Variants in WBP1L observed in about 807,000 individuals in gnomAD.
WBP1L encodes the protein WW domain binding protein 1 like, also known as WW domain binding protein 1-like.
In WBP1L, 17 loss-of-function variants were observed where a neutral mutation model predicts 33.7. The observed-to-expected ratio is 0.50, with a 90% CI of 0.34 to 0.76. WBP1L has a LOEUF of 0.76. Among genes scored for constraint, WBP1L ranks in the 30% least tolerant of loss-of-function variants. The pLI is 0.01. For missense variants in WBP1L, 389 were observed against 469.4 expected, an observed-to-expected ratio of 0.83 and a Z score of 1.58; for synonymous variants, 173 against 190.8, an observed-to-expected ratio of 0.91 and a Z score of 0.77.
rs1843908677 is a variant in WBP1L at position 102,814,889 on chromosome 10, T to G, written c.*1558T>G. The G allele has an allele frequency of 6.6e-6, 1 of 152,460 alleles. No homozygotes were observed. The highest frequency in any genetic ancestry group is 6.6e-5 in the Admixed American group (1 of 15,262). The allele number at this position is 152,460 out of a possible 1,614,324, so 9.4% of individuals were successfully genotyped here. ...GAAAGAAAGAAACAAACAAAATATATATATATATGTCCAAAAACAGACAAA... is the reference window on the plus strand; with the variant it reads ...GAAAGAAAGAAACAAACAAAATATAGATATATATGTCCAAAAACAGACAAA... On this transcript the variant is annotated 3_prime_UTR_variant, in exon 4 of 4. Coordinates refer to ENST00000448841, the MANE Select transcript of WBP1L (RefSeq NM_001083913.2).
intron 1 of WBP1L, among the ~76,000 whole-genome samples, chr10:102,756,278 C>T (rs938594091): frequency 1.3e-5 from 2 of 151,598 alleles, no homozygotes; most frequent in Non-Finnish European, 2.9e-5. Context: ...GGCATGGTGG[C>T]GCATGGCTGT....
At chr10:102,802,924 A>G (rs1279222262) in intron 2 of WBP1L, among the ~76,000 whole-genome samples, 1 of 152,256 alleles carries the variant, frequency 6.6e-6, no homozygotes, top group Non-Finnish European at 1.5e-5. Flanking sequence ...CTTACCATAC[A>G]TCAGGCATAG....
At chr10:102,809,829 G>A (rs552666416) in intron 2 of WBP1L, 64 bp from the exon 3 acceptor site, 11 of 1,535,864 alleles carry the variant, frequency 7.2e-6, no homozygotes, top group South Asian at 5.0e-5. Flanking sequence ...TCCCTGTTCC[G>A]CAAGCTGCCC....
intron 1 of WBP1L, among the ~76,000 whole-genome samples, chr10:102,747,955 A>G (rs1332173806): frequency 6.6e-6 from 1 of 152,114 alleles, no homozygotes; most frequent in Non-Finnish European, 1.5e-5. Flanking sequence ...TTCCTTTGCC[A>G]GGCTTAAAAC....
At chr10:102,810,320 T>G (rs1009880633) in intron 3 of WBP1L, among the ~76,000 whole-genome samples, 1 of 152,138 alleles carries the variant, frequency 6.6e-6, no homozygotes, top group African/African-American at 2.4e-5. Context: ...CTCTGCTTCT[T>G]TAGCACCTGC....
At position 102,806,117 on chromosome 10, in the gene WBP1L, G is replaced by T. The variant is rs1054874460; in HGVS notation, c.194-3776G>T. ...AGTTGCAGCTGCTGAGGAGGCTGAG[G>T]CACAAGAATCACGTGAGCCTGGGAG... On this transcript the variant is annotated intron_variant, in intron 2 of 3. Coordinates refer to ENST00000448841, the MANE Select transcript of WBP1L (RefSeq NM_001083913.2). Among the ~76,000 whole-genome samples the T allele has an allele frequency of 3.3e-5, 5 of 151,938 alleles. No individual in the cohort carries two copies. The East Asian group carries it at 7.7e-4, about 24-fold the overall frequency.
chr10:102,768,890 G>C (rs1383025186), intron 1 of WBP1L, among the ~76,000 whole-genome samples: 1 of 149,686 alleles, frequency 6.7e-6, no homozygotes, highest in African/African-American at 2.5e-5. Flanking sequence ...GGGTTTCACC[G>C]TGTTAGCCAG....
At chr10:102,792,266 C>T (rs372792325) in intron 1 of WBP1L, among the ~76,000 whole-genome samples, 28 of 152,358 alleles carry the variant, frequency 1.8e-4, no homozygotes, top group Middle Eastern at 3.4e-3. Context: ...GCCACTACCA[C>T]GGTCATTCCC....
At chr10:102,759,874 G>C (rs2863718) in intron 1 of WBP1L, among the ~76,000 whole-genome samples, 109,819 of 152,046 alleles carry the variant, frequency 0.72, 39,933 homozygotes, top group East Asian at 0.9. Flanking sequence ...ATTATCTTGG[G>C]TATATACCTA....
intron 1 of WBP1L, among the ~76,000 whole-genome samples, chr10:102,788,227 C>T (rs1205208047): frequency 1.3e-5 from 2 of 150,494 alleles, no homozygotes; most frequent in Non-Finnish European, 3.0e-5. Context: ...CTCCTGGGTT[C>T]ATGCCATTCT....
intron 1 of WBP1L, among the ~76,000 whole-genome samples, chr10:102,778,595 C>T (rs1030423345): frequency 2.0e-4 from 30 of 152,176 alleles, no homozygotes; most frequent in Non-Finnish European, 1.3e-4. Flanking sequence ...ATTTAGAAGA[C>T]CTCCGAAGGC....
At chr10:102,798,451 G>A (rs982065133) in intron 2 of WBP1L, among the ~76,000 whole-genome samples, 10 of 151,036 alleles carry the variant, frequency 6.6e-5, no homozygotes, top group African/African-American at 1.7e-4. Context: ...TTTTTTTGAC[G>A]GAGTCTCGCT....
At chr10:102,794,085 A>G (rs1276040478) in intron 1 of WBP1L, among the ~76,000 whole-genome samples, 1 of 151,986 alleles carries the variant, frequency 6.6e-6, no homozygotes, top group Non-Finnish European at 1.5e-5. Flanking sequence ...CGAACTCTTA[A>G]CTACTTAGGC....
In WBP1L at chr10:102,813,496, A is replaced by T. The variant is rs1843880776; in HGVS notation, c.*165A>T. 9.9e-7 allele frequency: 1 copy of T among 1,014,174 alleles called. No homozygotes were observed. Among genetic ancestry groups the T allele is most frequent in the Non-Finnish European group, 1.4e-6 (1 of 715,996 alleles). The allele number at this position is 1,014,174 out of a possible 1,614,324, so 62.8% of individuals were successfully genotyped here. ...TGCATTTTCCTCCATCTCCAGGTAC[A>T]GTTCGGGGTGTGGATGCCTCTTCCT... On this transcript the variant is annotated 3_prime_UTR_variant, in exon 4 of 4. Coordinates refer to ENST00000448841, the MANE Select transcript of WBP1L (RefSeq NM_001083913.2).
At chr10:102,766,703 C>T (rs1183278549) in intron 1 of WBP1L, among the ~76,000 whole-genome samples, 2 of 150,284 alleles carry the variant, frequency 1.3e-5, no homozygotes, top group Non-Finnish European at 3.0e-5. Flanking sequence ...CATGGTGGCA[C>T]GAGCCTGTAG....
intron 1 of WBP1L, among the ~76,000 whole-genome samples, chr10:102,790,278 T>G (rs892403521): frequency 6.6e-6 from 1 of 152,196 alleles, no homozygotes; most frequent in Admixed American, 6.6e-5. Flanking sequence ...CAATAACTAT[T>G]TTTCTACAAG....
intron 1 of WBP1L, among the ~76,000 whole-genome samples, chr10:102,794,872 T>A (rs181218575): frequency 6.6e-6 from 1 of 152,282 alleles, no homozygotes; most frequent in East Asian, 1.9e-4. Flanking sequence ...CACTCATATC[T>A]CACTATCTCC....
intron 1 of WBP1L, among the ~76,000 whole-genome samples, chr10:102,755,324 A>T (rs1842963221): frequency 6.6e-6 from 1 of 152,024 alleles, no homozygotes. Flanking sequence ...AGGCATAGTC[A>T]TAGTGCACGG....
chr10:102,788,967 TA>T lies in WBP1L; in HGVS notation c.91-9025del, dbSNP rs926054446. 1.2e-3 allele frequency among the ~76,000 whole-genome samples: 181 copies of T among 152,264 alleles called. 1 individual carries two copies. The highest frequency in any genetic ancestry group is 4.2e-3 in the African/African-American group (174 of 41,544). On this transcript the variant is annotated intron_variant, in intron 1 of 3. Transcript: ENST00000448841. The stretch of plus-strand genomic sequence containing the variant: ...GATTATTTTATTTTATTTTATTATT[TA>T]TTTTTTACTGAGACGGAGTCTTGCT...
Sources: gnomAD v4.1 joint callset for allele counts (sites outside exome capture counted in the v4.1 genomes callset) on GRCh38, gnomAD v4.1.1 for gene constraint, MANE v1.5 for transcripts, NCBI Gene and HGNC (gene_info 2026-07-23, HGNC 2026-07-21) for gene names.